The following TAFA1 variants were observed in gnomAD, a reference collection of about 807,000 sequenced individuals.
TAFA1 encodes the protein chemokine-like protein TAFA-1.
TAFA1 carries 4 observed loss-of-function variants against 18.5 expected under a neutral mutation model. The observed-to-expected ratio is 0.22, with a 90% CI of 0.11 to 0.49. The LOEUF (loss-of-function observed/expected upper bound fraction) is 0.49. TAFA1 is among the 20% of genes least tolerant of loss of function. The probability of loss-of-function intolerance (pLI) is 0.98; values close to 1 mark genes in which losing one functional copy is unlikely to be tolerated. For synonymous variants in TAFA1, 56 were observed against 55.2 expected (o/e 1.01, Z -0.06); for missense variants, 147 against 169.0 (o/e 0.87, Z 0.72).
At chr3:68,482,407 A>G (rs1035174614) in intron 3 of TAFA1, among the ~76,000 whole-genome samples, 3 of 152,208 alleles carry the variant, frequency 2.0e-5, no homozygotes, top group African/African-American at 7.2e-5. Flanking sequence ...AAGAGAAGCA[A>G]GTTAACCAAT....
chr3:68,224,392 C>T (rs992133988), intron 2 of TAFA1, among the ~76,000 whole-genome samples: 10 of 152,126 alleles, frequency 6.6e-5, no homozygotes, highest in Admixed American at 6.5e-4. Context: ...CAGAGGAAAA[C>T]ATAGTCAATT....
At chr3:68,087,364 T>C (rs1446132870) in intron 2 of TAFA1, among the ~76,000 whole-genome samples, 2 of 152,112 alleles carry the variant, frequency 1.3e-5, no homozygotes, top group African/African-American at 4.8e-5. Flanking sequence ...AATTTGACTA[T>C]CCATACCAGA....
intron 2 of TAFA1, among the ~76,000 whole-genome samples, chr3:68,131,279 T>C (rs1474919736): frequency 1.3e-5 from 2 of 152,060 alleles, no homozygotes; most frequent in Middle Eastern, 3.2e-3. Context: ...TAACGTGTAA[T>C]ACCCTCTTGC....
intron 2 of TAFA1, among the ~76,000 whole-genome samples, chr3:68,198,393 C>T (rs2066436106): frequency 6.6e-6 from 1 of 151,580 alleles, no homozygotes; most frequent in South Asian, 2.1e-4. Flanking sequence ...TATCAAGGAA[C>T]ACAATTAGTG....
chr3:68,110,476 C>T (rs1467401818), intron 2 of TAFA1, among the ~76,000 whole-genome samples: 1 of 152,126 alleles, frequency 6.6e-6, no homozygotes, highest in Non-Finnish European at 1.5e-5. Context: ...GATTTATATT[C>T]ATTCCTTTGG....
chr3:67,993,037 G>T, the TAFA1 span, among the ~76,000 whole-genome samples: 2 of 152,206 alleles, frequency 1.3e-5, no homozygotes, highest in African/African-American at 4.8e-5. Context: ...GCCATCAGGG[G>T]TGCAGATGGA....
chr3:68,196,780 A>G (rs1311108491), intron 2 of TAFA1, among the ~76,000 whole-genome samples: 1 of 151,710 alleles, frequency 6.6e-6, no homozygotes, highest in Non-Finnish European at 1.5e-5. Flanking sequence ...ACCATGCCCC[A>G]TAGCTTCTTT....
intron 3 of TAFA1, among the ~76,000 whole-genome samples, chr3:68,520,763 A>G (rs1218878250): frequency 6.6e-6 from 1 of 151,190 alleles, no homozygotes; most frequent in African/African-American, 2.4e-5. Context: ...AAGGACAGAA[A>G]TCTACTCTCA....
At position 68,174,898 on chromosome 3, in the gene TAFA1, G is replaced by A. The variant is rs28831459; in HGVS notation, c.118+168154G>A. On this transcript the variant is annotated intron_variant, in intron 2 of 4. Coordinates refer to ENST00000478136, the MANE Select transcript of TAFA1 (RefSeq NM_213609.4). Reference sequence around the variant, plus strand: ...CTGCCCCTCCCATCACAGGCCCAGAGGCCTAGGAGGAAAAAGTGAGCTGAA... The same window carrying A: ...CTGCCCCTCCCATCACAGGCCCAGAAGCCTAGGAGGAAAAAGTGAGCTGAA... Among the ~76,000 whole-genome samples the A allele has an allele frequency of 7.0e-3, 1,063 of 152,286 alleles. 14 individuals carry two copies. Among genetic ancestry groups the A allele is most frequent in the African/African-American group, 0.024 (984 of 41,560 alleles).
chr3:68,054,284 G>C lies in TAFA1; in HGVS notation c.118+47540G>C, dbSNP rs979359098. ...GGGAGCCAGGGGTCAGGGGAGTAGG[G>C]AGGGTAGTGAGTGAGTTCCCACTCT... On this transcript the variant is annotated intron_variant, in intron 2 of 4. Coordinates refer to ENST00000478136, the MANE Select transcript of TAFA1 (RefSeq NM_213609.4). Among the ~76,000 whole-genome samples, 4 of 152,058 alleles carry C rather than the reference G, an allele frequency of 2.6e-5. No homozygotes were observed. In the South Asian group the frequency reaches 8.3e-4, roughly 31 times the overall value.
At chr3:68,095,818 A>G (rs892723457) in intron 2 of TAFA1, among the ~76,000 whole-genome samples, 3 of 152,104 alleles carry the variant, frequency 2.0e-5, no homozygotes, top group Admixed American at 6.6e-5. Flanking sequence ...TTACTTGTTT[A>G]TTTTTATTGA....
intron 3 of TAFA1, among the ~76,000 whole-genome samples, chr3:68,526,375 G>A (rs1205129334): frequency 6.6e-6 from 1 of 152,082 alleles, no homozygotes; most frequent in Non-Finnish European, 1.5e-5. Flanking sequence ...TCTAGTGGGA[G>A]TAAGATTAAA....
chr3:68,176,588 C>T (rs1484517356), intron 2 of TAFA1, among the ~76,000 whole-genome samples: 1 of 152,158 alleles, frequency 6.6e-6, no homozygotes, highest in Non-Finnish European at 1.5e-5. Context: ...GTGGGAAGTG[C>T]TATTACCATT....
intron 2 of TAFA1, among the ~76,000 whole-genome samples, chr3:68,109,432 G>GA (rs374558026): frequency 8.6e-5 from 13 of 151,550 alleles, no homozygotes; most frequent in Admixed American, 8.6e-4. Context: ...CTTTAAATTG[G>GA]AAAAAAAATA....
chr3:68,286,916 G>GTT (rs2068018116), intron 2 of TAFA1, among the ~76,000 whole-genome samples: 1 of 152,210 alleles, frequency 6.6e-6, no homozygotes, highest in Non-Finnish European at 1.5e-5. Context: ...ACATCAAGCT[G>GTT]TTAACAGGGC....
At chr3:68,505,083 C>G (rs926657020) in intron 3 of TAFA1, among the ~76,000 whole-genome samples, 3 of 152,106 alleles carry the variant, frequency 2.0e-5, no homozygotes, top group Admixed American at 6.6e-5. Flanking sequence ...AGAGCTACCT[C>G]CTGAGTATGT....
At chr3:68,074,575 G>T (rs1034060209) in intron 2 of TAFA1, among the ~76,000 whole-genome samples, 2 of 152,092 alleles carry the variant, frequency 1.3e-5, no homozygotes, top group African/African-American at 4.8e-5. Flanking sequence ...AAATGAAAAA[G>T]AAAAAAGTAT....
At chr3:68,399,932 A>G (rs1165306247) in intron 2 of TAFA1, among the ~76,000 whole-genome samples, 1 of 152,190 alleles carries the variant, frequency 6.6e-6, no homozygotes, top group African/African-American at 2.4e-5. Flanking sequence ...ACTGGTCTCC[A>G]TGTCAGCTCA....
intron 2 of TAFA1, among the ~76,000 whole-genome samples, chr3:68,336,674 A>T (rs896446329): frequency 5.3e-5 from 8 of 152,204 alleles, no homozygotes; most frequent in African/African-American, 1.9e-4. Flanking sequence ...TCTGGGCAGG[A>T]TATGCATTTT....
Sources: allele counts gnomAD v4.1 joint callset (sites outside exome capture counted in the v4.1 genomes callset), GRCh38; gene constraint gnomAD v4.1.1; transcripts MANE v1.5; gene names NCBI Gene and HGNC (gene_info 2026-07-23, HGNC 2026-07-21).